EPHA3: variants seen among roughly 807,000 people sequenced by gnomAD.
The protein encoded by EPHA3 is ephrin type-A receptor 3.
In EPHA3, 42 loss-of-function variants were observed where a neutral mutation model predicts 107.1. The observed-to-expected ratio is 0.39, with a 90% CI of 0.31 to 0.51. The LOEUF (loss-of-function observed/expected upper bound fraction) is 0.51, where lower values mean the gene tolerates loss of function less well. Ranked by LOEUF, EPHA3 falls within the 20% of genes least tolerant of loss-of-function variation. The pLI is 0.78. For missense variants in EPHA3, 1,183 were observed against 1,211.2 expected, an observed-to-expected ratio of 0.98 and a Z score of 0.35; for synonymous variants, 461 against 424.8, an observed-to-expected ratio of 1.09 and a Z score of -1.05.
At position 89,212,695 on chromosome 3, in the gene EPHA3, G is replaced by T. The variant is rs189041127; in HGVS notation, c.814+2175G>T. 4.8e-3 allele frequency among the ~76,000 whole-genome samples: 725 copies of T among 151,796 alleles called. 1 individual carries two copies. Among genetic ancestry groups the T allele is most frequent in the Middle Eastern group, 0.01 (3 of 290 alleles). ...GAGGACGCTAATGGCTTTTTATATA[G>T]TCAGTTAATTACATTTGAGCCAGAT... is the stretch of plus-strand genomic sequence containing the variant. On this transcript the variant is annotated intron_variant, in intron 3 of 16. Transcript: ENST00000336596.
chr3:89,371,029 A>C (rs1193570181), intron 5 of EPHA3, among the ~76,000 whole-genome samples: 2 of 151,850 alleles, frequency 1.3e-5, no homozygotes, highest in East Asian at 1.9e-4. Flanking sequence ...TGAATATGGA[A>C]ATTTTATTAT....
intron 3 of EPHA3, among the ~76,000 whole-genome samples, chr3:89,228,734 C>G (rs1203037786): frequency 1.3e-5 from 2 of 151,666 alleles, no homozygotes; most frequent in African/African-American, 4.8e-5. Context: ...ATAAACATAC[C>G]AGAGAAGTAT....
intron 6 of EPHA3, among the ~76,000 whole-genome samples, chr3:89,396,932 C>T (rs908377467): frequency 6.6e-6 from 1 of 152,144 alleles, no homozygotes; most frequent in Non-Finnish European, 1.5e-5. Context: ...GAATTTCCCA[C>T]AGCCTCATTG....
intron 2 of EPHA3, among the ~76,000 whole-genome samples, chr3:89,157,409 C>T (rs546778364): frequency 6.6e-6 from 1 of 152,070 alleles, no homozygotes; most frequent in East Asian, 1.9e-4. Context: ...ATCCATAACA[C>T]CTGTAGCAAA....
chr3:89,435,027 A>C (rs1709638692), intron 13 of EPHA3, among the ~76,000 whole-genome samples: 1 of 152,104 alleles, frequency 6.6e-6, no homozygotes, highest in Admixed American at 6.6e-5. Context: ...GAGTACAATA[A>C]GTTTATAGTT....
intron 9 of EPHA3, among the ~76,000 whole-genome samples, chr3:89,408,898 T>C (rs2107518019): frequency 6.6e-6 from 1 of 152,010 alleles, no homozygotes; most frequent in East Asian, 1.9e-4. Flanking sequence ...ACTAATGTAG[T>C]CTTGTAAGCA....
At chr3:89,185,840 A>G (rs1705551133) in intron 2 of EPHA3, among the ~76,000 whole-genome samples, 1 of 152,124 alleles carries the variant, frequency 6.6e-6, no homozygotes, top group Admixed American at 6.6e-5. Context: ...AACAGGATTT[A>G]GAGGGATAAA....
At chr3:89,354,972 T>C (rs1453341729) in intron 5 of EPHA3, among the ~76,000 whole-genome samples, 1 of 151,192 alleles carries the variant, frequency 6.6e-6, no homozygotes. Context: ...TGATTTCTTC[T>C]TTGAAATCAA....
At chr3:89,149,027 C>G (rs866083086) in intron 2 of EPHA3, among the ~76,000 whole-genome samples, 4 of 151,918 alleles carry the variant, frequency 2.6e-5, no homozygotes, top group Middle Eastern at 3.4e-3. Flanking sequence ...TTGAAGCCAG[C>G]GCATACCAAT....
In EPHA3 at chr3:89,123,099, A is replaced by G. The variant is rs531675555; in HGVS notation, c.89-4110A>G. ...TCCTTTCCATAAGTACTTATTACCA[A>G]TTTGAGCCAATTTGCTCTATACTTT... On this transcript the variant is annotated intron_variant, in intron 1 of 16. Coordinates refer to ENST00000336596, the MANE Select transcript of EPHA3 (RefSeq NM_005233.6). Among the ~76,000 whole-genome samples, 4 of 152,174 alleles carry G rather than the reference A, an allele frequency of 2.6e-5. No individual in the cohort carries two copies. The South Asian group carries it at 6.2e-4, about 24-fold the overall frequency.
chr3:89,258,829 A>G (rs1454739610), intron 3 of EPHA3, among the ~76,000 whole-genome samples: 3 of 152,168 alleles, frequency 2.0e-5, no homozygotes, highest in South Asian at 2.1e-4. Flanking sequence ...ACATGTGACA[A>G]CAAAAGGAGG....
intron 3 of EPHA3, among the ~76,000 whole-genome samples, chr3:89,322,945 C>A (rs1707077693): frequency 6.6e-6 from 1 of 152,060 alleles, no homozygotes; most frequent in Non-Finnish European, 1.5e-5. Context: ...TGGCAAAGGA[C>A]TTGCCATATA....
intron 2 of EPHA3, among the ~76,000 whole-genome samples, chr3:89,169,145 T>G (rs996020685): frequency 2.0e-5 from 3 of 152,094 alleles, no homozygotes; most frequent in Non-Finnish European, 4.4e-5. Context: ...ATTAGACTTA[T>G]TTTTTCTGAA....
At chr3:89,374,073 C>CCACA (rs372225222) in intron 5 of EPHA3, among the ~76,000 whole-genome samples, 12 of 151,668 alleles carry the variant, frequency 7.9e-5, no homozygotes, top group African/African-American at 2.7e-4. Flanking sequence ...TATACACTCT[C>CCACA]CACACACACA....
chr3:89,399,593 A>G (rs888841185), intron 7 of EPHA3, 113 bp downstream of exon 7: 2 of 1,477,076 alleles, frequency 1.4e-6, no homozygotes, highest in Middle Eastern at 2.5e-4. Context: ...CATTTAAGGT[A>G]TATTGCTTGG....
At chr3:89,377,784 A>G (rs1210225886) in intron 5 of EPHA3, among the ~76,000 whole-genome samples, 1 of 152,166 alleles carries the variant, frequency 6.6e-6, no homozygotes. Flanking sequence ...AAGAAATCTG[A>G]CAGACCAGGC....
intron 2 of EPHA3, among the ~76,000 whole-genome samples, chr3:89,207,649 G>A (rs1706139290): frequency 6.6e-6 from 1 of 152,008 alleles, no homozygotes; most frequent in Non-Finnish European, 1.5e-5. Context: ...AATGTCTATT[G>A]TTCTTGATGA....
chr3:89,157,874 A>AT (rs1704841591), intron 2 of EPHA3, among the ~76,000 whole-genome samples: 1 of 151,466 alleles, frequency 6.6e-6, no homozygotes, highest in Non-Finnish European at 1.5e-5. Flanking sequence ...AAAAAAAAAA[A>AT]GGGAAAGAAG....
chr3:89,253,025 G>A (rs1052637482), intron 3 of EPHA3, among the ~76,000 whole-genome samples: 3 of 151,850 alleles, frequency 2.0e-5, no homozygotes, highest in African/African-American at 7.3e-5. Flanking sequence ...GCCAGAGGCT[G>A]TTTAGTTATT....
Sources: allele counts gnomAD v4.1 joint callset (sites outside exome capture counted in the v4.1 genomes callset), GRCh38; gene constraint gnomAD v4.1.1; transcripts MANE v1.5; gene names NCBI Gene and HGNC (gene_info 2026-07-23, HGNC 2026-07-21).